FNDC3B: variants seen among roughly 807,000 people sequenced by gnomAD.
FNDC3B encodes the protein fibronectin type III domain containing 3B, also known as fibronectin type III domain-containing protein 3B.
In FNDC3B, 12 loss-of-function variants were observed where a neutral mutation model predicts 151.5. That is an observed-to-expected ratio of 0.08 (90% confidence interval 0.05 to 0.13). The LOEUF (loss-of-function observed/expected upper bound fraction) is 0.13, where lower values mean the gene tolerates loss of function less well. Among genes scored for constraint, FNDC3B ranks in the 10% least tolerant of loss-of-function variants. The pLI, the probability that FNDC3B is intolerant of heterozygous loss-of-function variation, is 1.00. For missense variants in FNDC3B, 1,214 were observed against 1,505.3 expected, an observed-to-expected ratio of 0.81 and a Z score of 3.20; for synonymous variants, 528 against 549.0, an observed-to-expected ratio of 0.96 and a Z score of 0.54.
rs563749787 is a variant in FNDC3B, at chr3:172,224,776, A to G, written c.188-2095A>G. On this transcript the variant is annotated intron_variant, in intron 3 of 25. Transcript: ENST00000415807. ...AGCAATTTTCATTGCCGACAGCACA[A>G]CATACATTAGGATAAAGCAAATAAA... is the stretch of plus-strand genomic sequence containing the variant. Among the ~76,000 whole-genome samples the G allele has an allele frequency of 6.6e-5, 10 of 152,360 alleles. No individual in the cohort carries two copies. In the East Asian group the frequency reaches 1.2e-3, roughly 18 times the overall value.
At chr3:172,160,959 A>G (rs1268062699) in intron 3 of FNDC3B, among the ~76,000 whole-genome samples, 1 of 152,242 alleles carries the variant, frequency 6.6e-6, no homozygotes, top group Non-Finnish European at 1.5e-5. Context: ...AATTCAAAAG[A>G]AATAAAAGAG....
intron 3 of FNDC3B, among the ~76,000 whole-genome samples, chr3:172,168,756 A>G (rs1306501804): frequency 2.1e-5 from 3 of 142,726 alleles, no homozygotes; most frequent in African/African-American, 8.0e-5. Flanking sequence ...TCTGCCACTC[A>G]GGCTGGAGTG....
intron 3 of FNDC3B, among the ~76,000 whole-genome samples, chr3:172,135,359 T>A (rs1453978585): frequency 6.6e-6 from 1 of 152,146 alleles, no homozygotes; most frequent in Non-Finnish European, 1.5e-5. Flanking sequence ...ATCCATGTTA[T>A]AACTGGTGCA....
chr3:172,210,417 A>T (rs1034438128), intron 3 of FNDC3B, among the ~76,000 whole-genome samples: 1 of 152,080 alleles, frequency 6.6e-6, no homozygotes, highest in African/African-American at 2.4e-5. Context: ...TGGCAAAATC[A>T]TAGTCCTGGG....
chr3:172,346,507 TATA>T, intron 20 of FNDC3B, 67 bp downstream of exon 20: 1 of 969,888 alleles, frequency 1.0e-6, no homozygotes, highest in Non-Finnish European at 1.6e-6. Context: ...AAATACCAAT[TATA>T]AGGAAGCTGC....
At chr3:172,104,685 T>C (rs1228624395) in intron 1 of FNDC3B, among the ~76,000 whole-genome samples, 7 of 152,112 alleles carry the variant, frequency 4.6e-5, no homozygotes, top group Admixed American at 1.3e-4. Flanking sequence ...ATTGGTGTAG[T>C]GTTACTGGGA....
chr3:172,094,439 C>A (rs900736515), intron 1 of FNDC3B, among the ~76,000 whole-genome samples: 1 of 152,150 alleles, frequency 6.6e-6, no homozygotes, highest in African/African-American at 2.4e-5. Flanking sequence ...TTCTACTTTG[C>A]ATAATATTTT....
chr3:172,205,676 G>A (rs1311914432), intron 3 of FNDC3B, among the ~76,000 whole-genome samples: 3 of 152,152 alleles, frequency 2.0e-5, no homozygotes, highest in Admixed American at 6.5e-5. Flanking sequence ...TTATTTCTTG[G>A]AGTATGTGTA....
At chr3:172,059,335 T>G (rs1178414776) in intron 1 of FNDC3B, among the ~76,000 whole-genome samples, 2 of 152,186 alleles carry the variant, frequency 1.3e-5, no homozygotes, top group Non-Finnish European at 2.9e-5. Flanking sequence ...CCATACACCT[T>G]CCCAGTGGGT....
chr3:172,194,235 A>G (rs974866260), intron 3 of FNDC3B, among the ~76,000 whole-genome samples: 2 of 152,018 alleles, frequency 1.3e-5, no homozygotes, highest in African/African-American at 4.8e-5. Flanking sequence ...AAAAAGAAAA[A>G]TTATCTTAGT....
rs146283835 is a variant in FNDC3B at position 172,168,481 on chromosome 3, T to A, written c.187+34935T>A. On this transcript the variant is annotated intron_variant, in intron 3 of 25. Transcript: ENST00000415807. ...ATGTCAGTGGTATGCTGGTGATAGCTTCTATCACATGCGAGAACTGACAGT... is the reference window on the plus strand; with the variant it reads ...ATGTCAGTGGTATGCTGGTGATAGCATCTATCACATGCGAGAACTGACAGT... Among the ~76,000 whole-genome samples the A allele has an allele frequency of 4.0e-3, 615 of 152,338 alleles. 4 individuals are homozygous for A. Among genetic ancestry groups the A allele is most frequent in the African/African-American group, 0.014 (583 of 41,582 alleles).
At position 172,226,305 on chromosome 3, in the gene FNDC3B, C is replaced by CAAA. The variant is rs199864393; in HGVS notation, c.188-550_188-548dup. ...TGGTGACAAGTGCGAAACTCTGTCT[C>CAAA]AAAAAAAAAAAAAAAAAATGTATTC... On this transcript the variant is annotated intron_variant, in intron 3 of 25. Coordinates refer to ENST00000415807, the MANE Select transcript of FNDC3B (RefSeq NM_022763.4). 4.6e-3 allele frequency among the ~76,000 whole-genome samples: 549 copies of CAAA among 119,608 alleles called. 3 individuals carry two copies. The highest frequency in any genetic ancestry group is 0.015 in the South Asian group (55 of 3,698). 78.5% of individuals were successfully genotyped at this position (119,608 alleles called of 152,430 possible).
chr3:172,224,325 G>A (rs1472457069), intron 3 of FNDC3B, among the ~76,000 whole-genome samples: 1 of 152,054 alleles, frequency 6.6e-6, no homozygotes, highest in African/African-American at 2.4e-5. Context: ...AATTAAATGG[G>A]GTCATGCAAT....
At chr3:172,198,259 C>A (rs992207267) in intron 3 of FNDC3B, among the ~76,000 whole-genome samples, 2 of 152,072 alleles carry the variant, frequency 1.3e-5, no homozygotes, top group Non-Finnish European at 2.9e-5. Context: ...TATTTAGAAG[C>A]CAAGATCTGT....
At chr3:172,213,664 G>A (rs1349221287) in intron 3 of FNDC3B, among the ~76,000 whole-genome samples, 1 of 152,124 alleles carries the variant, frequency 6.6e-6, no homozygotes, top group African/African-American at 2.4e-5. Context: ...GTGATTACCT[G>A]GTAATTTTGC....
intron 25 of FNDC3B, among the ~76,000 whole-genome samples, chr3:172,394,084 G>T (rs1438770808): frequency 8.8e-6 from 1 of 114,042 alleles, no homozygotes; most frequent in Non-Finnish European, 1.7e-5. Flanking sequence ...GTCTAGCCTG[G>T]GTGACAGAGT....
At chr3:172,259,244 C>G (rs1560043980) in intron 6 of FNDC3B, among the ~76,000 whole-genome samples, 1 of 152,146 alleles carries the variant, frequency 6.6e-6, no homozygotes. Context: ...GCCCAAATAA[C>G]TTTTATTTTT....
At chr3:172,212,390 C>A (rs1016684461) in intron 3 of FNDC3B, among the ~76,000 whole-genome samples, 3 of 152,098 alleles carry the variant, frequency 2.0e-5, no homozygotes, top group Non-Finnish European at 2.9e-5. Flanking sequence ...TTTTTTACCG[C>A]GTTCTTTCCA....
chr3:172,164,997 C>T (rs1007583333), intron 3 of FNDC3B, among the ~76,000 whole-genome samples: 1 of 152,096 alleles, frequency 6.6e-6, no homozygotes, highest in Non-Finnish European at 1.5e-5. Flanking sequence ...TTCAAGATAT[C>T]TTAGGAATAG....
Sources: allele counts gnomAD v4.1 joint callset (sites outside exome capture counted in the v4.1 genomes callset), GRCh38; gene constraint gnomAD v4.1.1; transcripts MANE v1.5; gene names NCBI Gene and HGNC (gene_info 2026-07-23, HGNC 2026-07-21).